ZIC4: variants seen among roughly 807,000 people sequenced by gnomAD.
The protein encoded by ZIC4 is Zic family zinc finger 4.
A neutral mutation model predicts 28.8 loss-of-function variants in ZIC4; 15 were observed. The ratio of observed to expected loss-of-function variants is 0.52; its 90% CI spans 0.35 to 0.80. The LOEUF (loss-of-function observed/expected upper bound fraction) is 0.80, where lower values mean the gene tolerates loss of function less well. Ranked by LOEUF, ZIC4 falls within the 30% of genes least tolerant of loss-of-function variation. The pLI, the probability that ZIC4 is intolerant of heterozygous loss-of-function variation, is 0.01. For missense variants in ZIC4, 512 were observed against 467.1 expected (o/e 1.10, Z -0.89); for synonymous variants, 220 against 198.1 (o/e 1.11, Z -0.93).
At chr3:147,392,447 AG>A in intron 3 of ZIC4, 3 of 985,426 alleles carry the variant, frequency 3.0e-6, no homozygotes, top group Non-Finnish European at 3.6e-6. Flanking sequence ...GCTGACGTGT[AG>A]GAGAGGAAAG....
At chr3:147,401,913 T>A (rs2087170281) in intron 2 of ZIC4, among the ~76,000 whole-genome samples, 1 of 152,192 alleles carries the variant, frequency 6.6e-6, no homozygotes, top group Non-Finnish European at 1.5e-5. Context: ...TCAAAACAAC[T>A]GAATTTACAT....
In ZIC4 at chr3:147,391,189, C is replaced by T; in HGVS notation, c.746G>A (p.Ser249Asn). 6.2e-7 allele frequency: 1 copy of T among 1,608,094 alleles called. No individual in the cohort carries two copies. The highest frequency in any genetic ancestry group is 1.1e-5 in the South Asian group (1 of 90,888). ...EGCERRFANS[S>N]DRKKHSHVHT... ...CACGTGCGAATGCTTCTTACGGTCG[C>T]TGCTGTTGGCGAAGCGCCGCTCGCA... Residue 249 changes from serine (S) to asparagine (N), a missense_variant, in exon 4 of 5, where the codon AGC (serine) becomes AAC (asparagine). Ser to Asn is a conservative substitution (Grantham distance 46). Coordinates refer to ENST00000383075, the MANE Select transcript of ZIC4 (RefSeq NM_032153.6).
Position 147,396,413 on chromosome 3 carries a change from A to C in ZIC4, c.127T>G (p.Phe43Val), listed in dbSNP as rs758147597. Reference sequence around the variant, plus strand: ...GGAGGCTCCTCGTGGAGGCCCGGGAACACCGAGGGGCTGGAGGCGGCGGTG... The same window carrying C: ...GGAGGCTCCTCGTGGAGGCCCGGGACCACCGAGGGGCTGGAGGCGGCGGTG... Reference protein sequence around the residue: ...QLTAASSPSVFPGLHEEPPQA... With the variant: ...QLTAASSPSVVPGLHEEPPQA... Residue 43 changes from phenylalanine (F) to valine (V), a missense_variant, in exon 3 of 5, where the codon TTC becomes GTC. Transcript: ENST00000383075. This position sits in a 1 kb window ranked among gnomAD's most constrained non-coding sequence, Gnocchi z 4.2. The C allele has an allele frequency of 1.6e-4, 237 of 1,523,526 alleles. No homozygotes were observed. Among genetic ancestry groups the C allele is most frequent in the Non-Finnish European group, 1.8e-4 (207 of 1,139,694 alleles). 94.4% of individuals were successfully genotyped at this position (1,523,526 alleles called of 1,614,324 possible). A position where few individuals can be genotyped will look rare whatever the true frequency, so the allele number is the denominator to read the frequency against.
chr3:147,403,863 C>A, intron 1 of ZIC4: 1 of 1,155,376 alleles, frequency 8.7e-7, no homozygotes, highest in Non-Finnish European at 1.2e-6. Flanking sequence ...TCTCTCTCCC[C>A]CTCAACGTCC....
Position 147,388,436 on chromosome 3 carries a change from G to T in ZIC4, c.*423C>A. 1 of 195,150 alleles carries T rather than the reference G, an allele frequency of 5.1e-6. No homozygotes were observed. The allele number at this position is 195,150 out of a possible 1,614,324, so 12.1% of individuals were successfully genotyped here. A position where few individuals can be genotyped will look rare whatever the true frequency, so the allele number is the denominator to read the frequency against. The stretch of plus-strand genomic sequence containing the variant: ...AACCCAAACGCGCCCTCTGATCACC[G>T]CAGAAAGCAGAAACAAAGGGGGCTG... On this transcript the variant is annotated 3_prime_UTR_variant, in exon 5 of 5. Coordinates refer to ENST00000383075, the MANE Select transcript of ZIC4 (RefSeq NM_032153.6).
At chr3:147,399,705 G>A (rs546812846) in intron 2 of ZIC4, among the ~76,000 whole-genome samples, 38 of 137,614 alleles carry the variant, frequency 2.8e-4, no homozygotes, top group South Asian at 1.8e-3. Context: ...TCCCTCTGTC[G>A]CCCAGGCTGC....
intron 3 of ZIC4, chr3:147,392,296 G>C: frequency 4.1e-6 from 4 of 985,818 alleles, no homozygotes; most frequent in Non-Finnish European, 4.8e-6. Flanking sequence ...AGGGCCACCA[G>C]GCGGCTGGCA....
chr3:147,405,452 C>A, intron 1 of ZIC4: 1 of 1,537,252 alleles, frequency 6.5e-7, no homozygotes, highest in East Asian at 2.4e-5. Flanking sequence ...TTTCCTAAGA[C>A]TTTGACATGG....
intron 4 of ZIC4, 31 bp from the exon 5 acceptor site, chr3:147,388,890 A>C (rs773932971): frequency 3.8e-6 from 3 of 779,406 alleles, no homozygotes; most frequent in Non-Finnish European, 7.2e-6. Flanking sequence ...ATTAAAGGCG[A>C]TTAGTGGCCG....
intron 4 of ZIC4, among the ~76,000 whole-genome samples, 185 bp downstream of exon 4, chr3:147,390,746 G>A (rs1404699313): frequency 6.6e-6 from 1 of 152,100 alleles, no homozygotes; most frequent in African/African-American, 2.4e-5. Context: ...CCTTCCTTCC[G>A]CCCTCGCCCT....
rs776567474 is a variant in ZIC4 at position 147,391,286 on chromosome 3, G to T, written c.689-40C>A. 1.7e-5 allele frequency: 26 copies of T among 1,529,312 alleles called. No homozygotes were observed. The South Asian group carries it at 2.7e-4, about 16-fold the overall frequency. 94.7% of individuals were successfully genotyped at this position (1,529,312 alleles called of 1,614,324 possible). A position where few individuals can be genotyped will look rare whatever the true frequency, so the allele number is the denominator to read the frequency against. ...GCAGAGACATTAGTGCTTGTGGGTCGTGTTCCCGTCAGGTGCTTGCCACCC... is the reference window on the plus strand; with the variant it reads ...GCAGAGACATTAGTGCTTGTGGGTCTTGTTCCCGTCAGGTGCTTGCCACCC... On this transcript the variant is annotated intron_variant, in intron 3 of 4. Coordinates refer to ENST00000383075, the MANE Select transcript of ZIC4 (RefSeq NM_032153.6).
intron 3 of ZIC4, chr3:147,393,686 C>T: frequency 3.5e-6 from 1 of 289,484 alleles, no homozygotes; most frequent in South Asian, 2.7e-5. Context: ...GGCGACTGCG[C>T]CCCGGCGCGG....
intron 1 of ZIC4, among the ~76,000 whole-genome samples, chr3:147,403,252 T>G (rs1179191094): frequency 1.3e-5 from 2 of 152,122 alleles, no homozygotes; most frequent in Non-Finnish European, 2.9e-5. Flanking sequence ...CAGCTAAAAT[T>G]TGATTTATAA....
chr3:147,405,731 C>G (rs2087264562), intron 1 of ZIC4: 1 of 542,636 alleles, frequency 1.8e-6, no homozygotes, highest in African/African-American at 1.9e-5. Context: ...TGAGGCAGGA[C>G]CAGGGTGAGG....
chr3:147,396,796 G>T lies in ZIC4; in HGVS notation c.71-327C>A, dbSNP rs2087058812. ...CTGGGGGTTCTGCTCCAGAGGGGTA[G>T]GAGCTGAGCCCCAAGCGCACTTTGG... On this transcript the variant is annotated intron_variant, in intron 2 of 4. Coordinates refer to ENST00000383075, the MANE Select transcript of ZIC4 (RefSeq NM_032153.6). The surrounding 1 kb of genome is among the most constrained non-coding windows in gnomAD (Gnocchi z 4.2). 1 of 261,988 alleles carries T rather than the reference G, an allele frequency of 3.8e-6. No individual in the cohort carries two copies. Among genetic ancestry groups the T allele is most frequent in the East Asian group, 6.9e-5 (1 of 14,422 alleles). The allele number at this position is 261,988 out of a possible 1,614,324, so 16.2% of individuals were successfully genotyped here.
At chr3:147,391,926 T>C in intron 3 of ZIC4, 2 of 978,036 alleles carry the variant, frequency 2.0e-6, no homozygotes, top group Non-Finnish European at 2.4e-6. Context: ...TCTTTCCTTC[T>C]ACCCCCTGAG....
At chr3:147,393,834 G>T (rs1280894350) in intron 3 of ZIC4, 8 of 455,074 alleles carry the variant, frequency 1.8e-5, no homozygotes, top group Non-Finnish European at 3.5e-5. Context: ...GCGGTTGCTG[G>T]CCCGCGCCTC....
chr3:147,399,090 TA>T (rs926722708), intron 2 of ZIC4, among the ~76,000 whole-genome samples: 92 of 146,366 alleles, frequency 6.3e-4, no homozygotes, highest in Admixed American at 8.2e-4. Context: ...CCTCAGTATT[TA>T]AAAAAAAAAA....
chr3:147,396,683 C>T lies in ZIC4; in HGVS notation c.71-214G>A. 3 of 519,582 alleles carry T rather than the reference C, an allele frequency of 5.8e-6. No individual in the cohort carries two copies. The highest frequency in any genetic ancestry group is 9.7e-6 in the Non-Finnish European group (3 of 310,770). The allele number at this position is 519,582 out of a possible 1,614,324, so 32.2% of individuals were successfully genotyped here. A position where few individuals can be genotyped will look rare whatever the true frequency, so the allele number is the denominator to read the frequency against. ...GGCCGAATTGCTGTTGGGCCAAGTC[C>T]CCCGCCGCGCCATGAGCTAGAGAGG... On this transcript the variant is annotated intron_variant, in intron 2 of 4. Coordinates refer to ENST00000383075, the MANE Select transcript of ZIC4 (RefSeq NM_032153.6). The surrounding 1 kb of genome is among the most constrained non-coding windows in gnomAD (Gnocchi z 4.2).
Sources: allele counts gnomAD v4.1 joint callset (sites outside exome capture counted in the v4.1 genomes callset), GRCh38; gene constraint gnomAD v4.1.1; non-coding constraint Gnocchi (gnomAD v3.1); transcripts MANE v1.5; gene names NCBI Gene and HGNC (gene_info 2026-07-23, HGNC 2026-07-21).